Variants in GSTCD observed in about 807,000 individuals in gnomAD.
GSTCD encodes glutathione S-transferase C-terminal domain containing.
A neutral mutation model predicts 68.3 loss-of-function variants in GSTCD; 44 were observed. The ratio of observed to expected loss-of-function variants is 0.64; its 90% CI spans 0.51 to 0.83. GSTCD has a LOEUF of 0.83. Ranked by LOEUF, GSTCD falls within the 40% of genes least tolerant of loss-of-function variation. The pLI, the probability that GSTCD is intolerant of heterozygous loss-of-function variation, is 0.00. For synonymous variants in GSTCD, 273 were observed against 255.2 expected (o/e 1.07, Z -0.67); for missense variants, 739 against 735.9 (o/e 1.00, Z -0.05).
intron 5 of GSTCD, among the ~76,000 whole-genome samples, chr4:105,784,385 A>G (rs551476995): frequency 6.6e-6 from 1 of 152,324 alleles, no homozygotes; most frequent in East Asian, 1.9e-4. Flanking sequence ...GACTAGCTTT[A>G]TAACAATTCA....
At chr4:105,820,569 C>T (rs1723236115) in intron 5 of GSTCD, 1 of 151,794 alleles carries the variant, frequency 6.6e-6, no homozygotes, top group Admixed American at 6.6e-5. Flanking sequence ...AGATCCTGCT[C>T]ATATTTCCTG....
intron 3 of GSTCD, 85 bp downstream of exon 3, chr4:105,719,612 T>C: frequency 1.1e-6 from 1 of 934,278 alleles, no homozygotes; most frequent in Non-Finnish European, 1.7e-6. Context: ...TTACTTTTTA[T>C]TGTCAATATG....
At chr4:105,738,495 CAT>C (rs1578423892) in intron 5 of GSTCD, among the ~76,000 whole-genome samples, 1 of 152,246 alleles carries the variant, frequency 6.6e-6, no homozygotes, top group East Asian at 1.9e-4. Flanking sequence ...TTGTTTTTAA[CAT>C]ATTCTTCTAA....
intron 5 of GSTCD, among the ~76,000 whole-genome samples, chr4:105,793,624 C>G (rs1735760830): frequency 6.6e-6 from 1 of 151,904 alleles, no homozygotes; most frequent in Non-Finnish European, 1.5e-5. Context: ...TTTTTACATG[C>G]ATTATTAAGG....
chr4:105,724,656 T>A (rs1158183437), intron 3 of GSTCD, among the ~76,000 whole-genome samples: 1 of 151,836 alleles, frequency 6.6e-6, no homozygotes, highest in Non-Finnish European at 1.5e-5. Context: ...AGATCATTAT[T>A]AATAGTACAA....
At chr4:105,839,160 G>T (rs576400916) in intron 10 of GSTCD, among the ~76,000 whole-genome samples, 2 of 152,130 alleles carry the variant, frequency 1.3e-5, no homozygotes, top group African/African-American at 2.4e-5. Context: ...AACTTTTAGT[G>T]TTCATGCTTT....
chr4:105,778,889 C>G (rs1404468975), intron 5 of GSTCD, among the ~76,000 whole-genome samples: 2 of 152,020 alleles, frequency 1.3e-5, no homozygotes, highest in Non-Finnish European at 2.9e-5. Flanking sequence ...CTTTATTTCT[C>G]TCCTTTTCTC....
chr4:105,841,808 G>A (rs940919444), intron 10 of GSTCD, among the ~76,000 whole-genome samples: 5 of 152,204 alleles, frequency 3.3e-5, no homozygotes, highest in South Asian at 2.1e-4. Flanking sequence ...CCAAGATTGC[G>A]CCACTGCACT....
intron 11 of GSTCD, 70 bp downstream of exon 11, chr4:105,842,204 C>A: frequency 8.1e-7 from 1 of 1,232,352 alleles, no homozygotes; most frequent in East Asian, 2.3e-5. Flanking sequence ...TGGACCAAGT[C>A]TATATGGGAA....
At chr4:105,838,322 CA>C (rs1440580668) in intron 10 of GSTCD, among the ~76,000 whole-genome samples, 1 of 152,156 alleles carries the variant, frequency 6.6e-6, no homozygotes, top group Non-Finnish European at 1.5e-5. Context: ...ATATATTTTC[CA>C]AGGCTGTTTA....
intron 5 of GSTCD, among the ~76,000 whole-genome samples, chr4:105,743,815 C>G (rs956353381): frequency 2.0e-5 from 3 of 151,758 alleles, no homozygotes; most frequent in African/African-American, 7.3e-5. Flanking sequence ...CCCGCCACCA[C>G]GCCCGGCTAA....
Position 105,719,317 on chromosome 4 carries a change from A to T in GSTCD, c.684A>T (p.Glu228Asp). The T allele has an allele frequency of 1.2e-6, 2 of 1,614,140 alleles. No homozygotes were observed. The highest frequency in any genetic ancestry group is 1.7e-6 in the Non-Finnish European group (2 of 1,180,006). The stretch of plus-strand genomic sequence containing the variant: ...AGGTCCACACACAGGAAACATCTGA[A>T]GGGTTGGATTCTTCATCCAAGAGTC... Reference protein sequence around the residue: ...KSKVHTQETSEGLDSSSKSLE... With the variant: ...KSKVHTQETSDGLDSSSKSLE... The change falls in exon 3 of 12, where the codon GAA (glutamate) becomes GAT (aspartate). Residue 228 changes from glutamate (E) to aspartate (D), a missense_variant. Physicochemically the swap from Glu to Asp is conservative, Grantham distance 45. Coordinates refer to ENST00000515279, the MANE Select transcript of GSTCD (RefSeq NM_001370181.1).
rs374188482 is a variant in GSTCD, at chr4:105,717,633, G to A, written c.20G>A (p.Ser7Asn). Reference sequence around the variant, plus strand: ...AAGAAAATGAAAGCCATAAAGAAAAGTCTTACAGAAGAAGAATACCTGTAC... The same window carrying A: ...AAGAAAATGAAAGCCATAAAGAAAAATCTTACAGAAGAAGAATACCTGTAC... MKAIKK[S>N]LTEEEYLYLD... Residue 7 changes from serine (S) to asparagine (N), a missense_variant, in exon 2 of 12, where the codon AGT becomes AAT. Transcript: ENST00000515279. 7.0e-6 allele frequency: 11 copies of A among 1,572,134 alleles called. No individual in the cohort carries two copies. Among genetic ancestry groups the A allele is most frequent in the Non-Finnish European group, 8.6e-7 (1 of 1,165,426 alleles).
intron 5 of GSTCD, among the ~76,000 whole-genome samples, chr4:105,800,154 G>A (rs919749826): frequency 2.0e-5 from 3 of 152,182 alleles, no homozygotes; most frequent in Admixed American, 1.3e-4. Context: ...TAATGGACTT[G>A]CAGTTATACA....
intron 5 of GSTCD, among the ~76,000 whole-genome samples, chr4:105,745,240 G>A (rs890768633): frequency 6.6e-6 from 1 of 152,136 alleles, no homozygotes; most frequent in African/African-American, 2.4e-5. Flanking sequence ...AATTCCAGAT[G>A]GTTTACCTTT....
intron 1 of GSTCD, among the ~76,000 whole-genome samples, chr4:105,713,323 C>T (rs1732594454): frequency 6.6e-6 from 1 of 152,104 alleles, no homozygotes; most frequent in South Asian, 2.1e-4. Flanking sequence ...AAAGAATTGC[C>T]AAAGAATTTA....
chr4:105,803,807 G>A (rs1465322558), intron 5 of GSTCD, among the ~76,000 whole-genome samples: 1 of 151,826 alleles, frequency 6.6e-6, no homozygotes, highest in Non-Finnish European at 1.5e-5. Flanking sequence ...TGAAGTTTAG[G>A]AAACTTCAAA....
intron 5 of GSTCD, among the ~76,000 whole-genome samples, chr4:105,745,693 T>C (rs1733776179): frequency 6.6e-6 from 1 of 152,204 alleles, no homozygotes; most frequent in African/African-American, 2.4e-5. Flanking sequence ...GCCCTCTCTG[T>C]TCTCCAGTAG....
At chr4:105,710,037 A>G (rs1414220607) in intron 1 of GSTCD, among the ~76,000 whole-genome samples, 1 of 151,862 alleles carries the variant, frequency 6.6e-6, no homozygotes, top group African/African-American at 2.4e-5. Flanking sequence ...AAGCACACTC[A>G]TTACTAAAAA....
Sources: gnomAD v4.1 joint callset for allele counts (sites outside exome capture counted in the v4.1 genomes callset) on GRCh38, gnomAD v4.1.1 for gene constraint, MANE v1.5 for transcripts, NCBI Gene and HGNC (gene_info 2026-07-23, HGNC 2026-07-21) for gene names.